KCNMA1: variants seen among roughly 807,000 people sequenced by gnomAD.
KCNMA1 encodes Calcium-activated potassium channel subunit alpha-1.
In KCNMA1, 29 loss-of-function variants were observed where a neutral mutation model predicts 140.0. The observed-to-expected ratio is 0.21, with a 90% CI of 0.15 to 0.28. KCNMA1 has a LOEUF of 0.28. KCNMA1 is among the 10% of genes least tolerant of loss of function. The probability of loss-of-function intolerance (pLI) is 1.00; values close to 1 mark genes in which losing one functional copy is unlikely to be tolerated. For missense variants in KCNMA1, 880 were observed against 1,602.2 expected (o/e 0.55, Z 7.70); for synonymous variants, 612 against 611.9 (o/e 1.00, Z 0.00).
At position 77,371,580 on chromosome 10, in the gene KCNMA1, C is replaced by A. The variant is rs998126898; in HGVS notation, c.540+32282G>T. 2.6e-5 allele frequency among the ~76,000 whole-genome samples: 4 copies of A among 152,208 alleles called. No homozygotes were observed. In the South Asian group the frequency reaches 8.3e-4, roughly 32 times the overall value. ...AAACTGGCCAAATGTCCACAGCTGG[C>A]CAGAGCTGTGAGGCAGCTGCTCCCT... On this transcript the variant is annotated intron_variant, in intron 2 of 27. Transcript: ENST00000286628.
intron 23 of KCNMA1, among the ~76,000 whole-genome samples, chr10:76,923,198 T>C (rs2152541683): frequency 6.6e-6 from 1 of 152,292 alleles, no homozygotes; most frequent in South Asian, 2.1e-4. Flanking sequence ...TTAAGATTCG[T>C]AAAATATATT....
At chr10:77,402,282 C>T (rs2096293795) in intron 2 of KCNMA1, among the ~76,000 whole-genome samples, 1 of 152,300 alleles carries the variant, frequency 6.6e-6, no homozygotes, top group African/African-American at 2.4e-5. Context: ...TGCTGTTACA[C>T]AGCTCAGCCA....
intron 5 of KCNMA1, among the ~76,000 whole-genome samples, chr10:77,134,886 T>A (rs1201873197): frequency 6.7e-6 from 1 of 149,848 alleles, no homozygotes; most frequent in African/African-American, 2.5e-5. Flanking sequence ...TAGTCCCAGC[T>A]ACTCGGCAGG....
rs201288668 is a variant in KCNMA1, at chr10:77,082,007, CTTTTTTTTTTTTTTTTTT to C, written c.1524-2475_1524-2458del. 1.5e-4 allele frequency among the ~76,000 whole-genome samples: 5 copies of C among 32,512 alleles called. No individual in the cohort carries two copies. The South Asian group carries it at 3.9e-3, about 25-fold the overall frequency. The allele number at this position is 32,512 out of a possible 152,430, so 21.3% of individuals were successfully genotyped here. A position where few individuals can be genotyped will look rare whatever the true frequency, so the allele number is the denominator to read the frequency against. On this transcript the variant is annotated intron_variant, in intron 12 of 27. Coordinates refer to ENST00000286628, the MANE Select transcript of KCNMA1 (RefSeq NM_001161352.2). ...GACCAGTAATTTCTTTTTTTCTTTT[CTTTTTTTTTTTTTTTTTT>C]TTTTTTTTTTTTTTTTTAAGACGGA...
chr10:77,090,146 T>A (rs1323319848), intron 10 of KCNMA1, among the ~76,000 whole-genome samples: 1 of 152,156 alleles, frequency 6.6e-6, no homozygotes, highest in East Asian at 1.9e-4. Flanking sequence ...CTTCCAGAGA[T>A]AAACTCGGAT....
intron 5 of KCNMA1, among the ~76,000 whole-genome samples, chr10:77,125,150 A>G (rs894346294): frequency 4.6e-5 from 7 of 152,138 alleles, no homozygotes; most frequent in African/African-American, 1.7e-4. Context: ...ACAATTCAAG[A>G]TGAGATTTGG....
intron 2 of KCNMA1, among the ~76,000 whole-genome samples, chr10:77,252,124 C>T (rs1465565275): frequency 6.6e-6 from 1 of 152,184 alleles, no homozygotes; most frequent in Non-Finnish European, 1.5e-5. Flanking sequence ...GGATGGAAGA[C>T]AGTTTTGGCA....
intron 1 of KCNMA1, among the ~76,000 whole-genome samples, chr10:77,465,452 C>T (rs2097973218): frequency 6.6e-6 from 1 of 152,156 alleles, no homozygotes; most frequent in Admixed American, 6.5e-5. Context: ...CAGAAATACT[C>T]AGAGTTTTGG....
intron 20 of KCNMA1, among the ~76,000 whole-genome samples, chr10:76,959,431 T>C (rs902307092): frequency 2.0e-5 from 3 of 152,358 alleles, no homozygotes; most frequent in Middle Eastern, 3.4e-3. Context: ...AAGTTGTACA[T>C]TGCCTTAGTT....
chr10:77,218,890 T>C (rs1599035990), intron 3 of KCNMA1, among the ~76,000 whole-genome samples: 1 of 152,276 alleles, frequency 6.6e-6, no homozygotes, highest in Admixed American at 6.5e-5. Context: ...TTTCATCATG[T>C]TGGCCAGGCT....
chr10:77,348,431 A>T (rs1603297171), intron 2 of KCNMA1, among the ~76,000 whole-genome samples: 1 of 152,284 alleles, frequency 6.6e-6, no homozygotes, highest in East Asian at 1.9e-4. Flanking sequence ...ATGCCTGCAG[A>T]CCTGGACACC....
intron 2 of KCNMA1, among the ~76,000 whole-genome samples, chr10:77,257,969 C>A (rs2061161450): frequency 6.6e-6 from 1 of 152,112 alleles, no homozygotes; most frequent in Non-Finnish European, 1.5e-5. Flanking sequence ...ACTAATATAA[C>A]CAGGCACACA....
rs549442354 is a variant in KCNMA1 at position 77,571,018 on chromosome 10, C to T, written c.378+66247G>A. ...TAAAAATAACTTACACAAATGTGTG[C>T]CAATTGCTGAAGATCTTCAGTTTCA... On this transcript the variant is annotated intron_variant, in intron 1 of 27. Coordinates refer to ENST00000286628, the MANE Select transcript of KCNMA1 (RefSeq NM_001161352.2). Among the ~76,000 whole-genome samples, 7 of 152,108 alleles carry T rather than the reference C, an allele frequency of 4.6e-5. No homozygotes were observed. In the South Asian group the frequency reaches 8.3e-4, roughly 18 times the overall value.
At chr10:76,922,652 G>T (rs1402305231) in intron 23 of KCNMA1, among the ~76,000 whole-genome samples, 3 of 152,192 alleles carry the variant, frequency 2.0e-5, no homozygotes, top group African/African-American at 7.2e-5. Context: ...AGCCCACCAT[G>T]GGGTGAATGA....
intron 2 of KCNMA1, among the ~76,000 whole-genome samples, chr10:77,328,193 G>A (rs970115143): frequency 3.3e-5 from 5 of 152,262 alleles, no homozygotes; most frequent in African/African-American, 1.2e-4. Flanking sequence ...AACAGTACTT[G>A]GCGCACAGTA....
intron 2 of KCNMA1, among the ~76,000 whole-genome samples, chr10:77,296,417 T>C (rs182356017): frequency 0.01 from 1,543 of 152,292 alleles, 16 homozygotes; most frequent in Non-Finnish European, 0.016. Flanking sequence ...CCCCCAAATC[T>C]GTAAGACAAT....
At chr10:77,046,106 TAGA>T (rs775171476) in intron 14 of KCNMA1, among the ~76,000 whole-genome samples, 2 of 152,214 alleles carry the variant, frequency 1.3e-5, no homozygotes, top group Non-Finnish European at 2.9e-5. Flanking sequence ...AAACAGGTAG[TAGA>T]AGGTTAGTGT....
At chr10:77,361,538 C>T (rs548042260) in intron 2 of KCNMA1, among the ~76,000 whole-genome samples, 1 of 152,330 alleles carries the variant, frequency 6.6e-6, no homozygotes, top group East Asian at 1.9e-4. Flanking sequence ...CAGAAAAGCC[C>T]GGGAACTAAT....
At chr10:77,009,512 C>T (rs192453549) in intron 18 of KCNMA1, among the ~76,000 whole-genome samples, 85 of 152,312 alleles carry the variant, frequency 5.6e-4, no homozygotes, top group East Asian at 2.1e-3. Context: ...TCCACTCCTT[C>T]CTCCCGAGAA....
Sources: gnomAD v4.1 joint callset for allele counts (sites outside exome capture counted in the v4.1 genomes callset) on GRCh38, gnomAD v4.1.1 for gene constraint, MANE v1.5 for transcripts, NCBI Gene and HGNC (gene_info 2026-07-23, HGNC 2026-07-21) for gene names.